The following FBXL7 variants were observed in gnomAD, a reference collection of about 807,000 sequenced individuals.
FBXL7 encodes F-box/LRR-repeat protein 7.
In FBXL7, 12 loss-of-function variants were observed where a neutral mutation model predicts 38.3. The ratio of observed to expected loss-of-function variants is 0.31; its 90% CI spans 0.20 to 0.51. The LOEUF is 0.51. FBXL7 is among the 20% of genes least tolerant of loss of function. The probability of loss-of-function intolerance (pLI) is 0.98; values close to 1 mark genes in which losing one functional copy is unlikely to be tolerated. For synonymous variants in FBXL7, 297 were observed against 300.9 expected (o/e 0.99, Z 0.13); for missense variants, 567 against 676.4 (o/e 0.84, Z 1.79).
intron 1 of FBXL7, chr5:15,580,666 A>G: frequency 6.1e-6 from 6 of 985,436 alleles, no homozygotes; most frequent in South Asian, 4.7e-5. Context: ...AGGCAACATG[A>G]AAATTAACCT....
chr5:15,741,014 G>C lies in FBXL7; in HGVS notation c.127+124942G>C, dbSNP rs956544907. On this transcript the variant is annotated intron_variant, in intron 2 of 3. Transcript: ENST00000504595. ...AAAGTCTCCTGTGTTCTTATAGTAA[G>C]CATATTGTGGACTGAAACACAATAT... 4.6e-5 allele frequency among the ~76,000 whole-genome samples: 7 copies of C among 152,252 alleles called. No homozygotes were observed. In the East Asian group the frequency reaches 1.4e-3, roughly 29 times the overall value.
chr5:15,881,154 G>A (rs1257779652), intron 2 of FBXL7, among the ~76,000 whole-genome samples: 2 of 152,114 alleles, frequency 1.3e-5, no homozygotes, highest in Non-Finnish European at 1.5e-5. Flanking sequence ...AGTACCCAAT[G>A]TGTAGTCTTT....
At chr5:15,660,736 G>A (rs1348313258) in intron 2 of FBXL7, among the ~76,000 whole-genome samples, 1 of 152,078 alleles carries the variant, frequency 6.6e-6, no homozygotes, top group African/African-American at 2.4e-5. Flanking sequence ...AGGCATATAA[G>A]TTCATTGTTA....
chr5:15,793,936 T>C (rs896424505), intron 2 of FBXL7, among the ~76,000 whole-genome samples: 1 of 152,208 alleles, frequency 6.6e-6, no homozygotes, highest in African/African-American at 2.4e-5. Flanking sequence ...GCCTCTCCCA[T>C]GTTATCCTGC....
intron 2 of FBXL7, among the ~76,000 whole-genome samples, chr5:15,803,030 T>G (rs1453127179): frequency 6.6e-6 from 1 of 152,196 alleles, no homozygotes; most frequent in Admixed American, 6.5e-5. Context: ...TTATCATTCC[T>G]CTGGAGAAAA....
intron 1 of FBXL7, among the ~76,000 whole-genome samples, chr5:15,561,006 CCAT>C (rs1480325529): frequency 1.3e-5 from 2 of 152,074 alleles, no homozygotes; most frequent in Non-Finnish European, 2.9e-5. Context: ...ATTAACATAT[CCAT>C]CATCTCACAT....
At chr5:15,627,430 G>T (rs1740854765) in intron 2 of FBXL7, among the ~76,000 whole-genome samples, 1 of 152,168 alleles carries the variant, frequency 6.6e-6, no homozygotes. Flanking sequence ...AGAGCTGGGA[G>T]AAATCTCACT....
chr5:15,676,322 T>A (rs1043819760), intron 2 of FBXL7, among the ~76,000 whole-genome samples: 5 of 152,240 alleles, frequency 3.3e-5, no homozygotes, highest in Non-Finnish European at 7.3e-5. Context: ...TCTTTTTCAC[T>A]TTTCTGCTGT....
At chr5:15,557,218 G>A (rs778195716) in intron 1 of FBXL7, among the ~76,000 whole-genome samples, 5 of 152,190 alleles carry the variant, frequency 3.3e-5, no homozygotes, top group Non-Finnish European at 7.3e-5. Context: ...GATTACAGGC[G>A]TGAGCCACTG....
chr5:15,893,564 A>G (rs977072273), intron 2 of FBXL7, among the ~76,000 whole-genome samples: 6 of 152,170 alleles, frequency 3.9e-5, no homozygotes, highest in Non-Finnish European at 8.8e-5. Context: ...AACTTACTGC[A>G]TAAAAGCATG....
chr5:15,900,466 A>G (rs1291185287), intron 2 of FBXL7, among the ~76,000 whole-genome samples: 1 of 152,222 alleles, frequency 6.6e-6, no homozygotes, highest in Non-Finnish European at 1.5e-5. Flanking sequence ...GGTAAGAGAC[A>G]GAATGACAGG....
intron 2 of FBXL7, among the ~76,000 whole-genome samples, chr5:15,713,107 G>A (rs1366471835): frequency 2.6e-5 from 4 of 152,086 alleles, no homozygotes; most frequent in Non-Finnish European, 2.9e-5. Context: ...CCTGAGACCG[G>A]GCAATTTATG....
intron 2 of FBXL7, among the ~76,000 whole-genome samples, chr5:15,780,743 A>T (rs998840599): frequency 1.3e-5 from 2 of 152,186 alleles, no homozygotes; most frequent in African/African-American, 4.8e-5. Flanking sequence ...ACCTAAATTA[A>T]TGCAGTTTTA....
chr5:15,688,218 C>T (rs759572876), intron 2 of FBXL7, among the ~76,000 whole-genome samples: 11 of 152,146 alleles, frequency 7.2e-5, no homozygotes, highest in South Asian at 2.1e-4. Context: ...AAAGGGGACA[C>T]GACCAGACAT....
rs754704379 is a variant in FBXL7, at chr5:15,928,189, C to T, written c.427C>T (p.Arg143Cys). Reference sequence around the variant, plus strand: ...GTGCCGCTGCGCGCGAGTGTGCCGCCGCTGGTACAACCTGGCCTGGGACCC... The same window carrying T: ...GTGCCGCTGCGCGCGAGTGTGCCGCTGCTGGTACAACCTGGCCTGGGACCC... ...QLCRCARVCR[R>C]WYNLAWDPRL... is the part of the protein sequence containing the mutation. The change falls in exon 3 of 4, where the codon CGC (arginine) becomes TGC (cysteine). Residue 143 changes from arginine (R) to cysteine (C), a missense_variant. Coordinates refer to ENST00000504595, the MANE Select transcript of FBXL7 (RefSeq NM_012304.5). The surrounding 1 kb of genome is among the most constrained non-coding windows in gnomAD (Gnocchi z 4.0). The T allele has an allele frequency of 3.1e-6, 5 of 1,609,856 alleles. No homozygotes were observed. In the South Asian group the frequency reaches 3.3e-5, roughly 11 times the overall value.
chr5:15,524,968 A>G (rs1007304487), intron 1 of FBXL7, among the ~76,000 whole-genome samples: 1 of 152,206 alleles, frequency 6.6e-6, no homozygotes, highest in Admixed American at 6.5e-5. Flanking sequence ...TACTAGGTTC[A>G]AAGTTCCCAG....
intron 1 of FBXL7, among the ~76,000 whole-genome samples, chr5:15,518,192 T>C (rs564125344): frequency 4.1e-4 from 63 of 152,232 alleles, no homozygotes; most frequent in African/African-American, 1.4e-3. Context: ...GGTTTCACCA[T>C]GTTGGCCAGG....
At chr5:15,728,779 C>T (rs937898318) in intron 2 of FBXL7, among the ~76,000 whole-genome samples, 3 of 152,124 alleles carry the variant, frequency 2.0e-5, no homozygotes, top group African/African-American at 7.2e-5. Flanking sequence ...CCTTGAACTA[C>T]TGATAATTAC....
At chr5:15,871,619 G>C (rs1257989137) in intron 2 of FBXL7, among the ~76,000 whole-genome samples, 1 of 152,138 alleles carries the variant, frequency 6.6e-6, no homozygotes, top group Non-Finnish European at 1.5e-5. Context: ...TGACCTGATG[G>C]AGCTGAAAAA....
Sources: gnomAD v4.1 joint callset for allele counts (sites outside exome capture counted in the v4.1 genomes callset) on GRCh38, gnomAD v4.1.1 for gene constraint, Gnocchi (gnomAD v3.1) non-coding constraint, MANE v1.5 for transcripts, NCBI Gene and HGNC (gene_info 2026-07-23, HGNC 2026-07-21) for gene names.